The following HYDIN variants were observed in gnomAD, a reference collection of about 807,000 sequenced individuals.
The protein encoded by HYDIN is HYDIN axonemal central pair apparatus protein.
Under a neutral mutation model 403.9 loss-of-function variants are expected in HYDIN, and 132 were observed. The ratio of observed to expected loss-of-function variants is 0.33; its 90% CI spans 0.28 to 0.38. HYDIN has a LOEUF of 0.38. Ranked by LOEUF, HYDIN falls within the 10% of genes least tolerant of loss-of-function variation. The pLI is 1.00. For synonymous variants in HYDIN, 1,202 were observed against 1,891.7 expected, an observed-to-expected ratio of 0.64 and a Z score of 9.46; for missense variants, 2,827 against 5,009.5, an observed-to-expected ratio of 0.56 and a Z score of 13.15.
At chr16:71,165,304 C>T (rs974550590) in intron 5 of HYDIN, among the ~76,000 whole-genome samples, 13 of 151,422 alleles carry the variant, frequency 8.6e-5, no homozygotes, top group Non-Finnish European at 1.9e-4. Context: ...ACATGATGTT[C>T]TCTCCTTCCC....
At chr16:71,212,351 AAGAG>A (rs1430959250) in intron 1 of HYDIN, among the ~76,000 whole-genome samples, 5 of 152,314 alleles carry the variant, frequency 3.3e-5, no homozygotes, top group South Asian at 4.1e-4. Context: ...TGATTCAAGA[AAGAG>A]AAAGAGAACC....
At chr16:71,136,100 T>C (rs1359268627) in intron 8 of HYDIN, among the ~76,000 whole-genome samples, 3 of 143,728 alleles carry the variant, frequency 2.1e-5, no homozygotes, top group Non-Finnish European at 4.6e-5. Flanking sequence ...TTCAGGGAGG[T>C]TGGAAGGAGA....
In HYDIN at chr16:70,920,778, C is replaced by G; in HGVS notation, c.7598G>C (p.Arg2533Pro). 6.4e-7 allele frequency: 1 copy of G among 1,559,664 alleles called. No individual in the cohort carries two copies. The highest frequency in any genetic ancestry group is 1.7e-4 in the Middle Eastern group (1 of 5,998). The change falls in exon 46 of 86, where the codon CGG becomes CCG. Residue 2533 changes from arginine (R) to proline (P), a missense_variant. Transcript: ENST00000393567. ...GGCTCGCAGCTTCTCCAGGCGCTCC[C>G]GCTCCGCCTTCTCCCTCTCCAGGCG... is the stretch of plus-strand genomic sequence containing the variant. Reference protein sequence around the residue: ...KERLEREKAERERLEKLRALE... With the variant: ...KERLEREKAEPERLEKLRALE...
chr16:71,108,761 A>C (rs1002591909), intron 10 of HYDIN, among the ~76,000 whole-genome samples: 1 of 152,096 alleles, frequency 6.6e-6, no homozygotes, highest in African/African-American at 2.4e-5. Flanking sequence ...ACAAAGTCCA[A>C]CATGGGTCTC....
At chr16:71,213,612 T>C (rs2088710236) in intron 1 of HYDIN, among the ~76,000 whole-genome samples, 1 of 152,126 alleles carries the variant, frequency 6.6e-6, no homozygotes, top group Non-Finnish European at 1.5e-5. Flanking sequence ...ATATGTTGAA[T>C]TTTAACCAAG....
chr16:71,141,249 A>C (rs559824483), intron 7 of HYDIN, among the ~76,000 whole-genome samples: 1 of 151,614 alleles, frequency 6.6e-6, no homozygotes, highest in African/African-American at 2.4e-5. Context: ...TATTTGTAAA[A>C]AAAAAAAAAG....
chr16:70,928,917 C>T (rs944138250), intron 45 of HYDIN, among the ~76,000 whole-genome samples: 3 of 116,474 alleles, frequency 2.6e-5, no homozygotes, highest in Admixed American at 9.1e-5. Context: ...AAGGAAAGTT[C>T]AAAGTAGAAA....
At chr16:70,879,877 C>T in intron 60 of HYDIN, 121 bp from the exon 61 acceptor site, 2 of 497,790 alleles carry the variant, frequency 4.0e-6, no homozygotes, top group East Asian at 3.1e-5. Flanking sequence ...GCTCCACTGC[C>T]TGCAGGGTGA....
chr16:70,951,107 T>C (rs2078053301), intron 41 of HYDIN, among the ~76,000 whole-genome samples: 1 of 152,042 alleles, frequency 6.6e-6, no homozygotes, highest in South Asian at 2.1e-4. Flanking sequence ...TGGTGGGACA[T>C]ACCTGTAGTC....
chr16:71,034,338 G>A (rs2081016506), intron 18 of HYDIN, among the ~76,000 whole-genome samples: 1 of 151,976 alleles, frequency 6.6e-6, no homozygotes, highest in South Asian at 2.1e-4. Context: ...GACAAACTTA[G>A]GTCAGAGTTG....
chr16:71,110,275 A>C (rs2083762517), intron 10 of HYDIN, among the ~76,000 whole-genome samples: 1 of 145,230 alleles, frequency 6.9e-6, no homozygotes, highest in Non-Finnish European at 1.5e-5. Context: ...TATGATATAC[A>C]TAATATATAA....
intron 75 of HYDIN, among the ~76,000 whole-genome samples, chr16:70,842,304 T>C (rs1406896705): frequency 2.0e-5 from 3 of 152,224 alleles, no homozygotes; most frequent in Admixed American, 1.3e-4. Context: ...CCAACTATGA[T>C]TGTTGAATTG....
chr16:71,047,669 C>A (rs2081495996), intron 18 of HYDIN, among the ~76,000 whole-genome samples: 1 of 149,848 alleles, frequency 6.7e-6, no homozygotes, highest in African/African-American at 2.5e-5. Flanking sequence ...TCTTCTTATT[C>A]CCTTATTCCT....
In HYDIN at chr16:71,144,190, C is replaced by CT. The variant is rs1019575031; in HGVS notation, c.842-6839dup. ...CAATACAAATATCTTTTTTCTTTTTCTTTTTTTTATTTTGTTCAAATGTCT... is the reference window on the plus strand; with the variant it reads ...CAATACAAATATCTTTTTTCTTTTTCTTTTTTTTTATTTTGTTCAAATGTCT... On this transcript the variant is annotated intron_variant, in intron 7 of 85. Transcript: ENST00000393567. 3.3e-5 allele frequency among the ~76,000 whole-genome samples: 5 copies of CT among 152,166 alleles called. No individual in the cohort carries two copies. The South Asian group carries it at 6.2e-4, about 19-fold the overall frequency.
intron 28 of HYDIN, 57 bp downstream of exon 28, chr16:70,985,128 C>A: frequency 2.6e-6 from 4 of 1,528,682 alleles, no homozygotes; most frequent in Non-Finnish European, 3.6e-6. Flanking sequence ...GAATACTCAC[C>A]TGCTTCGGAG....
At chr16:71,154,431 T>C (rs1597899308) in intron 6 of HYDIN, among the ~76,000 whole-genome samples, 1 of 124,414 alleles carries the variant, frequency 8.0e-6, no homozygotes, top group East Asian at 2.5e-4. Flanking sequence ...TACACTCTTT[T>C]AGCTATTTTA....
intron 83 of HYDIN, among the ~76,000 whole-genome samples, chr16:70,822,511 A>G (rs2036332083): frequency 6.6e-6 from 1 of 152,262 alleles, no homozygotes; most frequent in African/African-American, 2.4e-5. Context: ...AACTTAATTG[A>G]TAAAGCAGCA....
At chr16:71,118,828 G>A (rs1299845331) in intron 9 of HYDIN, among the ~76,000 whole-genome samples, 19 of 152,162 alleles carry the variant, frequency 1.2e-4, no homozygotes, top group Non-Finnish European at 2.8e-4. Flanking sequence ...CCAATCAGTG[G>A]TGTATCAGTA....
chr16:71,210,196 A>G (rs1428616097), intron 1 of HYDIN, among the ~76,000 whole-genome samples: 2 of 152,232 alleles, frequency 1.3e-5, no homozygotes, highest in East Asian at 3.8e-4. Flanking sequence ...TCTACCATAA[A>G]GACACATGCA....
Sources: gnomAD v4.1 joint callset for allele counts (sites outside exome capture counted in the v4.1 genomes callset) on GRCh38, gnomAD v4.1.1 for gene constraint, MANE v1.5 for transcripts, NCBI Gene and HGNC (gene_info 2026-07-23, HGNC 2026-07-21) for gene names.